Variants in IGSF11 observed in about 807,000 individuals in gnomAD.
IGSF11 encodes the protein CXADR like 1.
Under a neutral mutation model 41.0 loss-of-function variants are expected in IGSF11, and 22 were observed. The observed-to-expected ratio is 0.54, with a 90% CI of 0.38 to 0.77. IGSF11 has a LOEUF of 0.77. Among genes scored for constraint, IGSF11 ranks in the 30% least tolerant of loss-of-function variants. IGSF11 has a pLI of 0.00. For synonymous variants in IGSF11, 219 were observed against 201.3 expected, an observed-to-expected ratio of 1.09 and a Z score of -0.74; for missense variants, 444 against 530.8, an observed-to-expected ratio of 0.84 and a Z score of 1.61.
At chr3:119,130,909 G>A (rs1055510633) in intron 1 of IGSF11, among the ~76,000 whole-genome samples, 7 of 152,184 alleles carry the variant, frequency 4.6e-5, no homozygotes, top group Admixed American at 6.5e-5. Flanking sequence ...ATATCCAGGC[G>A]AACGGCCTGG....
At chr3:119,095,631 C>G (rs2076837045) in intron 1 of IGSF11, among the ~76,000 whole-genome samples, 1 of 152,080 alleles carries the variant, frequency 6.6e-6, no homozygotes, top group African/African-American at 2.4e-5. Context: ...AAGTAGTAGC[C>G]AAAGCTTCAT....
At chr3:118,976,286 T>C (rs1282503214) in intron 1 of IGSF11, among the ~76,000 whole-genome samples, 2 of 152,234 alleles carry the variant, frequency 1.3e-5, no homozygotes, top group African/African-American at 4.8e-5. Context: ...GTCAATGTCT[T>C]CTCCTTAAAA....
At chr3:119,001,630 C>A (rs1479811996) in intron 1 of IGSF11, among the ~76,000 whole-genome samples, 3 of 114,456 alleles carry the variant, frequency 2.6e-5, no homozygotes, top group East Asian at 2.8e-4. Context: ...CCTCCCCCCA[C>A]CCCACAACAG....
intron 1 of IGSF11, among the ~76,000 whole-genome samples, chr3:118,972,694 A>G (rs1933580490): frequency 6.6e-6 from 1 of 152,242 alleles, no homozygotes; most frequent in South Asian, 2.1e-4. Flanking sequence ...TAGAAGCTAT[A>G]GCTTAAAGCT....
chr3:119,019,583 A>G (rs973785854), intron 1 of IGSF11, among the ~76,000 whole-genome samples: 1 of 151,912 alleles, frequency 6.6e-6, no homozygotes, highest in East Asian at 1.9e-4. Flanking sequence ...TGCATGAAGG[A>G]GAGAGTGCTC....
rs550209716 is a variant in IGSF11 at position 118,941,182 on chromosome 3, C to T, written c.53-10907G>A. 4.6e-5 allele frequency among the ~76,000 whole-genome samples: 7 copies of T among 151,982 alleles called. No individual in the cohort carries two copies. The South Asian group carries it at 1.5e-3, about 32-fold the overall frequency. On this transcript the variant is annotated intron_variant, in intron 1 of 6. Transcript: ENST00000393775. ...GTAAGTTTCTTGTCTTCAAAAGACACTATTAAGAAAATAAAAATACAAGCC... is the reference window on the plus strand; with the variant it reads ...GTAAGTTTCTTGTCTTCAAAAGACATTATTAAGAAAATAAAAATACAAGCC...
upstream of IGSF11, among the ~76,000 whole-genome samples, chr3:119,106,694 G>A (rs943556952): frequency 1.2e-4 from 19 of 152,018 alleles, no homozygotes; most frequent in African/African-American, 2.9e-4. Context: ...CCATTAACTC[G>A]TCGTTTAGCA....
chr3:119,078,249 T>C (rs763898450), intron 1 of IGSF11, among the ~76,000 whole-genome samples: 1 of 152,184 alleles, frequency 6.6e-6, no homozygotes, highest in Non-Finnish European at 1.5e-5. Flanking sequence ...GGCATCATAC[T>C]ACCTGATGTC....
At chr3:119,014,468 T>A (rs1270349680) in intron 1 of IGSF11, among the ~76,000 whole-genome samples, 1 of 152,228 alleles carries the variant, frequency 6.6e-6, no homozygotes, top group Non-Finnish European at 1.5e-5. Context: ...ACATTTTTCT[T>A]GTGTAGTATT....
chr3:119,075,459 C>T (rs1279200271), intron 1 of IGSF11, among the ~76,000 whole-genome samples: 1 of 152,162 alleles, frequency 6.6e-6, no homozygotes, highest in Admixed American at 6.5e-5. Flanking sequence ...AGAAGGACTC[C>T]TACCTAACTC....
chr3:119,011,819 C>G (rs1379236302), intron 1 of IGSF11, among the ~76,000 whole-genome samples: 1 of 152,006 alleles, frequency 6.6e-6, no homozygotes, highest in Admixed American at 6.6e-5. Context: ...TAACAGAAAC[C>G]AGAATCTTAC....
intron 1 of IGSF11, among the ~76,000 whole-genome samples, chr3:119,034,242 A>G (rs1405917655): frequency 6.6e-6 from 1 of 152,242 alleles, no homozygotes; most frequent in African/African-American, 2.4e-5. Flanking sequence ...AGGATCCTGC[A>G]TTCCGCAGAG....
chr3:119,065,522 G>C (rs1368025851), intron 1 of IGSF11, among the ~76,000 whole-genome samples: 1 of 152,138 alleles, frequency 6.6e-6, no homozygotes, highest in Non-Finnish European at 1.5e-5. Context: ...GCGGGGGGCA[G>C]TGGCACACGC....
chr3:118,963,593 T>C (rs569015787), intron 1 of IGSF11, among the ~76,000 whole-genome samples: 54 of 152,126 alleles, frequency 3.5e-4, no homozygotes, highest in African/African-American at 1.1e-3. Context: ...GAAACAAGAA[T>C]TAAAAAAGAA....
chr3:119,011,945 CTGTGTGTG>C (rs1553711932), intron 1 of IGSF11, among the ~76,000 whole-genome samples: 3 of 148,486 alleles, frequency 2.0e-5, no homozygotes, highest in African/African-American at 7.4e-5. Context: ...ATATAGTGTT[CTGTGTGTG>C]TGTGTGTGTG....
intron 1 of IGSF11, among the ~76,000 whole-genome samples, chr3:118,958,387 C>T (rs1048233451): frequency 2.6e-5 from 4 of 152,152 alleles, no homozygotes; most frequent in Non-Finnish European, 5.9e-5. Flanking sequence ...GGACAGGGAA[C>T]ATAGAATATT....
At chr3:119,053,859 G>A (rs1157616757) in intron 1 of IGSF11, among the ~76,000 whole-genome samples, 2 of 152,104 alleles carry the variant, frequency 1.3e-5, no homozygotes, top group African/African-American at 4.8e-5. Flanking sequence ...CAGAAATAAA[G>A]CCAAATACTT....
chr3:119,058,924 T>C (rs1028645884), intron 1 of IGSF11, among the ~76,000 whole-genome samples: 4 of 146,826 alleles, frequency 2.7e-5, no homozygotes, highest in Admixed American at 1.4e-4. Context: ...AATTGAACAA[T>C]GAGAACACAT....
intron 1 of IGSF11, among the ~76,000 whole-genome samples, chr3:118,972,508 G>A (rs775736299): frequency 2.6e-5 from 4 of 152,108 alleles, no homozygotes; most frequent in Non-Finnish European, 5.9e-5. Context: ...GTATATCAGA[G>A]AATACTGCTC....
Sources: allele counts gnomAD v4.1 joint callset (sites outside exome capture counted in the v4.1 genomes callset), GRCh38; gene constraint gnomAD v4.1.1; transcripts MANE v1.5; gene names NCBI Gene and HGNC (gene_info 2026-07-23, HGNC 2026-07-21).